ZDHHC21: variants seen among roughly 807,000 people sequenced by gnomAD.
ZDHHC21 encodes the protein zDHHC palmitoyltransferase 21.
ZDHHC21 carries 15 observed loss-of-function variants against 34.6 expected under a neutral mutation model. That is an observed-to-expected ratio of 0.43 (90% CI 0.29 to 0.67). The LOEUF (loss-of-function observed/expected upper bound fraction) is 0.67. ZDHHC21 is among the 30% of genes least tolerant of loss of function. The pLI, the probability that ZDHHC21 is intolerant of heterozygous loss-of-function variation, is 0.14. For missense variants in ZDHHC21, 344 were observed against 327.7 expected, an observed-to-expected ratio of 1.05 and a Z score of -0.38; for synonymous variants, 142 against 101.8, an observed-to-expected ratio of 1.40 and a Z score of -2.38.
intron 5 of ZDHHC21, among the ~76,000 whole-genome samples, chr9:14,670,100 C>A (rs1306648857): frequency 6.6e-6 from 1 of 151,902 alleles, no homozygotes; most frequent in Non-Finnish European, 1.5e-5. Context: ...AGGCGCTCCA[C>A]AACGAGCCAA....
intron 7 of ZDHHC21, among the ~76,000 whole-genome samples, chr9:14,640,321 AAAAAGAAAGAAAG>A (rs1829114644): frequency 1.3e-5 from 2 of 150,754 alleles, no homozygotes; most frequent in South Asian, 4.2e-4. Context: ...AAAAAAAAAA[AAAAAGAAAGAAAG>A]AAAAGAAAAA....
the ZDHHC21 span, among the ~76,000 whole-genome samples, chr9:14,599,775 C>T: frequency 5.9e-5 from 9 of 151,804 alleles, no homozygotes; most frequent in Middle Eastern, 0.01. Context: ...GGGGGAGGGG[C>T]GTCCAGCATC....
chr9:14,657,591 A>C (rs1048311514), intron 7 of ZDHHC21, among the ~76,000 whole-genome samples: 1 of 152,170 alleles, frequency 6.6e-6, no homozygotes, highest in African/African-American at 2.4e-5. Context: ...TTCTGCTCTT[A>C]TAAAACAAAA....
At chr9:14,604,916 TAA>T in the ZDHHC21 span, among the ~76,000 whole-genome samples, 1 of 152,172 alleles carries the variant, frequency 6.6e-6, no homozygotes, top group African/African-American at 2.4e-5. Flanking sequence ...ACTGTTTCTA[TAA>T]GTTTGACTAC....
intron 2 of ZDHHC21, among the ~76,000 whole-genome samples, chr9:14,685,785 C>G (rs1027746919): frequency 3.3e-5 from 5 of 152,130 alleles, no homozygotes; most frequent in African/African-American, 1.2e-4. Flanking sequence ...TTCACAATAG[C>G]AAAGACTTGG....
At chr9:14,595,235 T>C in the ZDHHC21 span, among the ~76,000 whole-genome samples, 2 of 152,214 alleles carry the variant, frequency 1.3e-5, no homozygotes, top group African/African-American at 2.4e-5. Context: ...TTACTCATAA[T>C]AGCCAAAAAC....
intron 3 of ZDHHC21, among the ~76,000 whole-genome samples, chr9:14,676,301 C>T (rs184157784): frequency 1.3e-5 from 2 of 151,034 alleles, no homozygotes; most frequent in African/African-American, 4.8e-5. Flanking sequence ...AGATTTTCAG[C>T]CTATATCCCA....
chr9:14,675,763 G>A (rs920479884), intron 3 of ZDHHC21, among the ~76,000 whole-genome samples: 1 of 151,970 alleles, frequency 6.6e-6, no homozygotes, highest in Non-Finnish European at 1.5e-5. Flanking sequence ...CAAAATGTTA[G>A]TAGGGGCACA....
intron 7 of ZDHHC21, among the ~76,000 whole-genome samples, chr9:14,650,387 C>T (rs941290298): frequency 2.6e-5 from 4 of 151,852 alleles, no homozygotes; most frequent in Admixed American, 2.0e-4. Flanking sequence ...TTTAATTCCA[C>T]AATACTCTTG....
intron 8 of ZDHHC21, 100 bp downstream of exon 8, chr9:14,639,796 T>G (rs115851117): frequency 0.016 from 10,323 of 650,222 alleles, 130 homozygotes; most frequent in African/African-American, 0.049. Context: ...CATGGGTAAT[T>G]TTCTCCTTTG....
At chr9:14,690,229 G>C (rs1048051223) in intron 2 of ZDHHC21, 108 bp downstream of exon 2, 5 of 392,696 alleles carry the variant, frequency 1.3e-5, no homozygotes, top group East Asian at 7.6e-5. Flanking sequence ...AAGAGAGATT[G>C]GTGGGGGGTT....
intron 7 of ZDHHC21, among the ~76,000 whole-genome samples, chr9:14,658,204 G>C (rs1832639343): frequency 6.6e-6 from 1 of 151,952 alleles, no homozygotes; most frequent in African/African-American, 2.4e-5. Context: ...CAAGACACAC[G>C]TATTGAAAGA....
chr9:14,671,309 C>T (rs930132920), intron 5 of ZDHHC21, among the ~76,000 whole-genome samples: 2 of 151,880 alleles, frequency 1.3e-5, no homozygotes, highest in African/African-American at 2.4e-5. Flanking sequence ...TTTAAGGGAC[C>T]CTCACTCAAT....
chr9:14,676,072 T>C lies in ZDHHC21; in HGVS notation c.-45-1687A>G, dbSNP rs182059328. ...TGAATTCTTCGGCAATGGAAAGCTATTGAAGCAGGGGATTAACATGACGAA... is the reference window on the plus strand; with the variant it reads ...TGAATTCTTCGGCAATGGAAAGCTACTGAAGCAGGGGATTAACATGACGAA... On this transcript the variant is annotated intron_variant, in intron 3 of 9. Coordinates refer to ENST00000380916, the MANE Select transcript of ZDHHC21 (RefSeq NM_178566.6). Among the ~76,000 whole-genome samples, 6 of 152,106 alleles carry C rather than the reference T, an allele frequency of 3.9e-5. No homozygotes were observed. The East Asian group carries it at 9.6e-4, about 24-fold the overall frequency.
At chr9:14,662,410 A>G (rs1262674364) in intron 5 of ZDHHC21, 84 bp from the exon 6 acceptor site, 18 of 1,028,926 alleles carry the variant, frequency 1.7e-5, no homozygotes, top group Non-Finnish European at 2.5e-5. Context: ...AAGATTTTAT[A>G]GGAAGCCTTC....
chr9:14,675,835 T>G (rs1473370322), intron 3 of ZDHHC21, among the ~76,000 whole-genome samples: 1 of 151,960 alleles, frequency 6.6e-6, no homozygotes, highest in African/African-American at 2.4e-5. Flanking sequence ...GAAACCTGAA[T>G]TCAGTCTTAG....
At chr9:14,631,981 GCA>G (rs1827426240) in intron 8 of ZDHHC21, among the ~76,000 whole-genome samples, 1 of 151,578 alleles carries the variant, frequency 6.6e-6, no homozygotes, top group Non-Finnish European at 1.5e-5. Context: ...CAACAGGTAA[GCA>G]CACACTGTTG....
chr9:14,596,231 A>G, the ZDHHC21 span, among the ~76,000 whole-genome samples: 1 of 152,220 alleles, frequency 6.6e-6, no homozygotes, highest in Non-Finnish European at 1.5e-5. Flanking sequence ...TTGGCTCAGC[A>G]ACAAAATGGA....
chr9:14,599,604 A>G, the ZDHHC21 span, among the ~76,000 whole-genome samples: 1 of 151,922 alleles, frequency 6.6e-6, no homozygotes. Context: ...GCAAGACAGA[A>G]TTGTTCACTC....
Sources: allele counts gnomAD v4.1 joint callset (sites outside exome capture counted in the v4.1 genomes callset), GRCh38; gene constraint gnomAD v4.1.1; transcripts MANE v1.5; gene names NCBI Gene and HGNC (gene_info 2026-07-23, HGNC 2026-07-21).